Variants in SUMF1 observed in about 807,000 individuals in gnomAD.
SUMF1 encodes sulfatase modifying factor 1.
Under a neutral mutation model 47.6 loss-of-function variants are expected in SUMF1, and 48 were observed. That is an observed-to-expected ratio of 1.01 (90% CI 0.80 to 1.28). The LOEUF (loss-of-function observed/expected upper bound fraction) is 1.28. SUMF1 is among the 50% of genes most tolerant of loss of function. The pLI is 0.00. For missense variants in SUMF1, 571 were observed against 485.4 expected (o/e 1.18, Z -1.66); for synonymous variants, 230 against 192.1 (o/e 1.20, Z -1.63).
intron 7 of SUMF1, among the ~76,000 whole-genome samples, chr3:4,398,304 A>C (rs1054643825): frequency 1.3e-5 from 2 of 152,164 alleles, no homozygotes; most frequent in African/African-American, 4.8e-5. Flanking sequence ...GCTTGCCAGT[A>C]AATTTTGCTG....
intron 3 of SUMF1, among the ~76,000 whole-genome samples, chr3:4,423,927 G>A (rs938337946): frequency 6.6e-6 from 1 of 152,178 alleles, no homozygotes; most frequent in Non-Finnish European, 1.5e-5. Context: ...CTTCTGCCAT[G>A]ATCGAAAGGC....
intron 8 of SUMF1, among the ~76,000 whole-genome samples, chr3:4,316,011 C>T (rs1698623578): frequency 7.1e-6 from 1 of 141,284 alleles, no homozygotes; most frequent in African/African-American, 2.7e-5. Context: ...TGTACCACTG[C>T]ACTCCAGCTT....
At chr3:4,224,821 G>A (rs1005799331) in intron 8 of SUMF1, among the ~76,000 whole-genome samples, 1 of 152,072 alleles carries the variant, frequency 6.6e-6, no homozygotes, top group Non-Finnish European at 1.5e-5. Context: ...CAGACAAGCA[G>A]GAATGAGAGA....
At chr3:4,171,712 G>C (rs1319796429) in intron 8 of SUMF1, among the ~76,000 whole-genome samples, 1 of 152,138 alleles carries the variant, frequency 6.6e-6, no homozygotes, top group East Asian at 1.9e-4. Context: ...TGATGTTCCA[G>C]ATAAATGGGC....
chr3:4,226,563 T>C (rs1342282095), intron 8 of SUMF1, among the ~76,000 whole-genome samples: 1 of 152,054 alleles, frequency 6.6e-6, no homozygotes, highest in African/African-American at 2.4e-5. Context: ...CCACTGTGCC[T>C]GGCCATGATT....
At chr3:4,055,991 A>G (rs1334296532) in intron 9 of SUMF1, among the ~76,000 whole-genome samples, 2 of 152,118 alleles carry the variant, frequency 1.3e-5, no homozygotes, top group African/African-American at 2.4e-5. Flanking sequence ...TGATGCTGCC[A>G]TCTCTCTGAT....
Position 4,368,273 on chromosome 3 carries a change from A to G in SUMF1, c.1015-6019T>C, listed in dbSNP as rs184704189. Reference sequence around the variant, plus strand: ...ACTGGCCATCAGAGAAATGCAAATCAAAACCACAATGAGATATCATCTCAC... The same window carrying G: ...ACTGGCCATCAGAGAAATGCAAATCGAAACCACAATGAGATATCATCTCAC... On this transcript the variant is annotated intron_variant, in intron 8 of 8. Transcript: ENST00000272902. Among the ~76,000 whole-genome samples the G allele has an allele frequency of 4.7e-3, 711 of 152,336 alleles. 7 individuals carry two copies. The highest frequency in any genetic ancestry group is 0.016 in the African/African-American group (686 of 41,584).
intron 8 of SUMF1, among the ~76,000 whole-genome samples, chr3:4,285,504 C>T (rs1697615799): frequency 2.0e-5 from 3 of 152,050 alleles, no homozygotes; most frequent in Admixed American, 2.0e-4. Context: ...ATGGTTATTC[C>T]TAAACTTTGA....
downstream of SUMF1, among the ~76,000 whole-genome samples, chr3:4,360,848 A>G (rs1412436028): frequency 1.3e-5 from 2 of 152,218 alleles, no homozygotes; most frequent in Admixed American, 1.3e-4. Context: ...GTTCTAAAAC[A>G]AGGTGCTTTC....
intron 8 of SUMF1, among the ~76,000 whole-genome samples, chr3:4,129,566 G>A (rs574722908): frequency 1.3e-5 from 2 of 152,222 alleles, no homozygotes; most frequent in South Asian, 4.2e-4. Flanking sequence ...TGAAGGGGAG[G>A]CCGGGTTCTC....
chr3:4,039,349 T>C (rs1694867784), intron 9 of SUMF1, among the ~76,000 whole-genome samples: 1 of 110,594 alleles, frequency 9.0e-6, no homozygotes, highest in Non-Finnish European at 1.8e-5. Context: ...ATTAGGTATA[T>C]CTCCCAATGC....
chr3:4,135,288 C>A (rs1181843707), intron 8 of SUMF1, among the ~76,000 whole-genome samples: 1 of 152,102 alleles, frequency 6.6e-6, no homozygotes, highest in African/African-American at 2.4e-5. Context: ...ATCAAGTGGG[C>A]TTCATCCCTG....
intron 8 of SUMF1, among the ~76,000 whole-genome samples, chr3:4,115,127 G>C (rs936067111): frequency 6.6e-6 from 1 of 151,964 alleles, no homozygotes; most frequent in Non-Finnish European, 1.5e-5. Context: ...GCTGGACCTC[G>C]AGAGGAGCAG....
At chr3:4,233,445 T>C (rs1242814) in intron 8 of SUMF1, among the ~76,000 whole-genome samples, 28,317 of 152,034 alleles carry the variant, frequency 0.19, 3,169 homozygotes, top group South Asian at 0.38. Context: ...CTCTTCTTCC[T>C]ATTCCATGAG....
intron 8 of SUMF1, among the ~76,000 whole-genome samples, chr3:4,277,448 G>C (rs757321109): frequency 6.6e-6 from 1 of 152,016 alleles, no homozygotes; most frequent in Non-Finnish European, 1.5e-5. Flanking sequence ...AAGAAAATGA[G>C]GGTCAACTAG....
intron 8 of SUMF1, among the ~76,000 whole-genome samples, chr3:4,284,288 A>G (rs1327874929): frequency 6.6e-6 from 1 of 151,808 alleles, no homozygotes; most frequent in Non-Finnish European, 1.5e-5. Context: ...GGCACGTGCC[A>G]GTAGTGCCAG....
chr3:4,171,455 G>A (rs1694831339), intron 8 of SUMF1, among the ~76,000 whole-genome samples: 1 of 152,004 alleles, frequency 6.6e-6, no homozygotes, highest in African/African-American at 2.4e-5. Context: ...GAAACCCAAG[G>A]GTCATCTGAA....
intron 8 of SUMF1, among the ~76,000 whole-genome samples, chr3:4,250,888 C>T (rs557972504): frequency 3.7e-4 from 56 of 152,228 alleles, no homozygotes; most frequent in African/African-American, 1.2e-3. Context: ...TGTTTACCCA[C>T]GGGTTCAAAT....
At chr3:4,246,024 C>T (rs1221828436) in intron 8 of SUMF1, among the ~76,000 whole-genome samples, 5 of 152,218 alleles carry the variant, frequency 3.3e-5, no homozygotes, top group Non-Finnish European at 4.4e-5. Flanking sequence ...GACTGCTGCA[C>T]TAGCAGCGAG....
Sources: allele counts gnomAD v4.1 joint callset (sites outside exome capture counted in the v4.1 genomes callset), GRCh38; gene constraint gnomAD v4.1.1; transcripts MANE v1.5; gene names NCBI Gene and HGNC (gene_info 2026-07-23, HGNC 2026-07-21).